Variants in RUFY3 observed in about 807,000 individuals in gnomAD.
The protein encoded by RUFY3 is RUN and FYVE domain containing 3, also known as protein RUFY3.
Under a neutral mutation model 84.0 loss-of-function variants are expected in RUFY3, and 34 were observed. That is an observed-to-expected ratio of 0.40 (90% confidence interval 0.31 to 0.54). The LOEUF (loss-of-function observed/expected upper bound fraction) is 0.54, where lower values mean the gene tolerates loss of function less well. Among genes scored for constraint, RUFY3 ranks in the 20% least tolerant of loss-of-function variants. RUFY3 has a pLI of 0.39. For synonymous variants in RUFY3, 242 were observed against 252.9 expected (o/e 0.96, Z 0.41); for missense variants, 507 against 736.8 (o/e 0.69, Z 3.61).
intron 1 of RUFY3, chr4:70,705,332 G>A (rs561192691): frequency 1.0e-5 from 13 of 1,306,284 alleles, no homozygotes; most frequent in Middle Eastern, 2.8e-4. Context: ...CCGCGGGGAA[G>A]GGAGCATTCG....
In RUFY3 at chr4:70,796,926, T is replaced by TTTTTC. The variant is rs375903338; in HGVS notation, c.1557+2052_1557+2056dup. Among the ~76,000 whole-genome samples, 40 of 151,214 alleles carry TTTTTC rather than the reference T, an allele frequency of 2.6e-4. No individual in the cohort carries two copies. The East Asian group carries it at 3.9e-3, about 15-fold the overall frequency. On this transcript the variant is annotated intron_variant, in intron 14 of 17. Transcript: ENST00000381006. ...TTCATATTACTCTGATAGGGGCTCT[T>TTTTTC]TTTTCTTTTCTTTTCTTTTCTTTTT...
intron 1 of RUFY3, among the ~76,000 whole-genome samples, chr4:70,729,935 G>A (rs986220022): frequency 2.3e-5 from 3 of 129,482 alleles, no homozygotes; most frequent in African/African-American, 5.8e-5. Context: ...TGTTTCTTTC[G>A]TTTTTTTTTT....
At chr4:70,712,185 C>A (rs1417984002) in intron 1 of RUFY3, among the ~76,000 whole-genome samples, 1 of 152,096 alleles carries the variant, frequency 6.6e-6, no homozygotes, top group Non-Finnish European at 1.5e-5. Flanking sequence ...GAAACCCAAA[C>A]AATTACCAAT....
At chr4:70,771,997 TGAGGAG>T (rs1176687144) in intron 5 of RUFY3, among the ~76,000 whole-genome samples, 4 of 151,562 alleles carry the variant, frequency 2.6e-5, no homozygotes, top group African/African-American at 7.3e-5. Flanking sequence ...ACCAGATTGA[TGAGGAG>T]GAGGAGGAAG....
intron 12 of RUFY3, 45 bp from the exon 13 acceptor site, chr4:70,793,740 C>T: frequency 1.1e-5 from 18 of 1,613,488 alleles, no homozygotes; most frequent in Non-Finnish European, 1.5e-5. Flanking sequence ...TCTTCCCCAC[C>T]ATGGCTTTTG....
rs1444172000 is a variant in RUFY3, at chr4:70,784,877, T to C, written c.1069T>C (p.Leu357=). 1.9e-6 allele frequency: 3 copies of C among 1,593,936 alleles called. No individual in the cohort carries two copies. Among genetic ancestry groups the C allele is most frequent in the Non-Finnish European group, 2.6e-6 (3 of 1,169,710 alleles). The change falls in exon 10 of 18, where the codon TTG becomes CTG. Residue 357 remains leucine, a splice_region_variant and synonymous_variant. Transcript: ENST00000381006. ...KHLKEETQLR[L]DVEKELEMQI... ...TTTAAAAGAAGAGACACAATTACGA[T>C]TGGTAAACTATGCTTAATTTCTAAT...
intron 5 of RUFY3, among the ~76,000 whole-genome samples, chr4:70,770,414 A>G (rs977093410): frequency 2.0e-5 from 3 of 152,204 alleles, no homozygotes; most frequent in Non-Finnish European, 4.4e-5. Context: ...GATCTTCTGG[A>G]TAACTTGCTA....
At chr4:70,791,485 C>A in intron 12 of RUFY3, 1 of 1,382,044 alleles carries the variant, frequency 7.2e-7, no homozygotes, top group Non-Finnish European at 9.4e-7. Flanking sequence ...ATTGTTTTCT[C>A]CCCAGGGTTA....
chr4:70,768,768 A>G lies in RUFY3; in HGVS notation c.696+107A>G, dbSNP rs1726425795. On this transcript the variant is annotated intron_variant, in intron 5 of 17. Transcript: ENST00000381006. ...CAAATTAGGCCATATTCTATGAGTC[A>G]TAAACAGGATTTCCTTCCATTTTGA... is the stretch of plus-strand genomic sequence containing the variant. The G allele has an allele frequency of 9.8e-6, 10 of 1,016,476 alleles. 1 individual carries two copies. The South Asian group carries it at 1.3e-4, about 14-fold the overall frequency. 63.0% of individuals were successfully genotyped at this position (1,016,476 alleles called of 1,614,324 possible).
intron 1 of RUFY3, among the ~76,000 whole-genome samples, chr4:70,733,119 A>G (rs1560463713): frequency 1.7e-5 from 1 of 58,682 alleles, no homozygotes; most frequent in East Asian, 4.9e-4. Context: ...AGAGAGAGAG[A>G]GGGAGGGAGG....
intron 2 of RUFY3, among the ~76,000 whole-genome samples, chr4:70,763,142 A>G (rs1015391418): frequency 6.6e-6 from 1 of 151,856 alleles, no homozygotes; most frequent in Non-Finnish European, 1.5e-5. Context: ...CCTTCTCAAT[A>G]TTCTTTTCTT....
At chr4:70,752,994 T>TG (rs1723378862) in intron 1 of RUFY3, among the ~76,000 whole-genome samples, 1 of 152,224 alleles carries the variant, frequency 6.6e-6, no homozygotes, top group African/African-American at 2.4e-5. Flanking sequence ...CTTAAATGAC[T>TG]GGTAGATTTT....
chr4:70,807,527 A>G lies in RUFY3; in HGVS notation c.*868A>G, dbSNP rs1732960245. 6.6e-6 allele frequency among the ~76,000 whole-genome samples: 1 copy of G among 152,148 alleles called. No individual in the cohort carries two copies. The highest frequency in any genetic ancestry group is 2.4e-5 in the African/African-American group (1 of 41,434). On this transcript the variant is annotated 3_prime_UTR_variant, in exon 18 of 18. Transcript: ENST00000381006. ...TCAAATATAGAGTAAAATAAGTTTA[A>G]TTTGTTTTCTTAAGACAGGGTCTTG... is the stretch of plus-strand genomic sequence containing the variant.
At chr4:70,780,899 A>G (rs1168649361) in intron 8 of RUFY3, among the ~76,000 whole-genome samples, 3 of 152,150 alleles carry the variant, frequency 2.0e-5, no homozygotes, top group Non-Finnish European at 4.4e-5. Context: ...AATATGCTCT[A>G]AGAGAGTAGA....
intron 8 of RUFY3, among the ~76,000 whole-genome samples, 162 bp downstream of exon 8, chr4:70,778,600 A>G (rs1412279248): frequency 2.2e-4 from 19 of 86,112 alleles, no homozygotes; most frequent in Non-Finnish European, 3.7e-4. Flanking sequence ...TTTTTTTGAG[A>G]TGGAGTTTCG....
chr4:70,708,216 G>A (rs1740567120), intron 1 of RUFY3, among the ~76,000 whole-genome samples: 1 of 152,136 alleles, frequency 6.6e-6, no homozygotes, highest in South Asian at 2.1e-4. Context: ...TCTGTGCTCA[G>A]GCTAGAGTGC....
intron 12 of RUFY3, chr4:70,791,467 T>A (rs1406922697): frequency 2.2e-6 from 3 of 1,380,370 alleles, no homozygotes; most frequent in Non-Finnish European, 2.8e-6. Flanking sequence ...AGGTTGGGTT[T>A]TTTTCTTATT....
chr4:70,738,455 CG>C (rs1720772456), intron 1 of RUFY3, among the ~76,000 whole-genome samples: 1 of 148,390 alleles, frequency 6.7e-6, no homozygotes, highest in African/African-American at 2.5e-5. Context: ...CCCCGCCTCC[CG>C]GGTTGAAGCA....
At chr4:70,704,086 GAA>G (rs1739985436), upstream of RUFY3, 3 of 152,336 alleles carry the variant, frequency 2.0e-5, no homozygotes, top group South Asian at 6.2e-4. Context: ...CGGGCACTGT[GAA>G]AGAGAAAACT....
Sources: gnomAD v4.1 joint callset for allele counts (sites outside exome capture counted in the v4.1 genomes callset) on GRCh38, gnomAD v4.1.1 for gene constraint, MANE v1.5 for transcripts, NCBI Gene and HGNC (gene_info 2026-07-23, HGNC 2026-07-21) for gene names.